The following SFSWAP variants were observed in gnomAD, a reference collection of about 807,000 sequenced individuals.
SFSWAP encodes splicing factor SWAP.
A neutral mutation model predicts 100.7 loss-of-function variants in SFSWAP; 17 were observed. That is an observed-to-expected ratio of 0.17 (90% CI 0.12 to 0.25). The LOEUF (loss-of-function observed/expected upper bound fraction) is 0.25, where lower values mean the gene tolerates loss of function less well. Ranked by LOEUF, SFSWAP falls within the 10% of genes least tolerant of loss-of-function variation. The pLI is 1.00. For missense variants in SFSWAP, 1,005 were observed against 1,262.6 expected (o/e 0.80, Z 3.09); for synonymous variants, 504 against 510.1 (o/e 0.99, Z 0.16).
In SFSWAP at chr12:131,711,133, G is replaced by C; in HGVS notation, c.-97G>C. ...GCGGCGGTGTTGAGGTTGGGTACGG[G>C]ATGCGGGGTCTTTGACTGAAGGGGT... On this transcript the variant is annotated 5_prime_UTR_variant, in exon 1 of 18. Transcript: ENST00000261674. This position sits in a 1 kb window ranked among gnomAD's most constrained non-coding sequence, Gnocchi z 4.9. The C allele has an allele frequency of 9.9e-7, 1 of 1,006,778 alleles. No individual in the cohort carries two copies. Among genetic ancestry groups the C allele is most frequent in the Non-Finnish European group, 1.4e-6 (1 of 705,382 alleles). 62.4% of individuals were successfully genotyped at this position (1,006,778 alleles called of 1,614,324 possible).
chr12:131,762,212 G>A (rs934199100), intron 11 of SFSWAP, among the ~76,000 whole-genome samples: 4 of 151,586 alleles, frequency 2.6e-5, no homozygotes, highest in Middle Eastern at 3.4e-3. Flanking sequence ...CAGCCTGGGC[G>A]ACAGAGCGAG....
chr12:131,753,615 C>A, intron 8 of SFSWAP: 1 of 530,814 alleles, frequency 1.9e-6, no homozygotes, highest in Non-Finnish European at 3.3e-6. Context: ...ACGCTGGCCC[C>A]AGATCTCCAG....
Position 131,714,208 on chromosome 12 carries a change from A to G in SFSWAP, c.356A>G (p.His119Arg). 4 of 1,613,868 alleles carry G rather than the reference A, an allele frequency of 2.5e-6. No individual in the cohort carries two copies. Among genetic ancestry groups the G allele is most frequent in the Non-Finnish European group, 3.4e-6 (4 of 1,179,792 alleles). Residue 119 changes from histidine to arginine, a missense_variant, in exon 2 of 18, where the codon CAT becomes CGT. Coordinates refer to ENST00000261674, the MANE Select transcript of SFSWAP (RefSeq NM_004592.4). This position sits in a 1 kb window ranked among gnomAD's most constrained non-coding sequence, Gnocchi z 6.0. ...GATGAAGAGAGGTATTTAGCCTTGC[A>G]TACGGACTTGCTTGAGGAGGAGGCA... ...LCDEERYLALHTDLLEEEARQ... is the reference protein window; with the variant it reads ...LCDEERYLALRTDLLEEEARQ...
At chr12:131,728,142 C>A in intron 6 of SFSWAP, 151 bp from the exon 7 acceptor site, 1 of 806,234 alleles carries the variant, frequency 1.2e-6, no homozygotes, top group Non-Finnish European at 2.0e-6. Flanking sequence ...GGGCATTTGG[C>A]CACAACTCGT....
chr12:131,737,124 C>A (rs1201345874), intron 7 of SFSWAP, among the ~76,000 whole-genome samples: 2 of 152,176 alleles, frequency 1.3e-5, no homozygotes, highest in South Asian at 2.1e-4. Context: ...TGTGCTCTCG[C>A]GGTGGGCTGC....
intron 15 of SFSWAP, among the ~76,000 whole-genome samples, chr12:131,789,935 C>G (rs1006673883): frequency 6.6e-6 from 1 of 152,210 alleles, no homozygotes; most frequent in Admixed American, 6.5e-5. Context: ...GTCTCCCCAC[C>G]AGCGAGGAAT....
rs181979607 is a variant in SFSWAP, at chr12:131,742,976, G to A, written c.1082-10147G>A. On this transcript the variant is annotated intron_variant, in intron 7 of 17. Coordinates refer to ENST00000261674, the MANE Select transcript of SFSWAP (RefSeq NM_004592.4). ...TGGCAGCTGGCAAAGAGTTTGTGCA[G>A]AGAGACTCCTGTTTTTGAGACTATC... Among the ~76,000 whole-genome samples, 4 of 152,306 alleles carry A rather than the reference G, an allele frequency of 2.6e-5. No individual in the cohort carries two copies. In the East Asian group the frequency reaches 5.8e-4, roughly 22 times the overall value.
intron 7 of SFSWAP, among the ~76,000 whole-genome samples, chr12:131,742,888 T>G (rs1259710163): frequency 6.6e-6 from 1 of 152,146 alleles, no homozygotes; most frequent in African/African-American, 2.4e-5. Context: ...CAGTTCCACA[T>G]GGCTGGGGAG....
chr12:131,776,344 G>A (rs1884024455), intron 13 of SFSWAP, among the ~76,000 whole-genome samples: 2 of 152,162 alleles, frequency 1.3e-5, no homozygotes. Context: ...CACAACCAGG[G>A]AGGGGCATTA....
chr12:131,739,128 T>G (rs149765438), intron 7 of SFSWAP, among the ~76,000 whole-genome samples: 22,141 of 151,984 alleles, frequency 0.15, 2,205 homozygotes, highest in East Asian at 0.52. Context: ...TCCACCCACC[T>G]TGGCCTCCCA....
chr12:131,745,048 A>T (rs1248916853), intron 7 of SFSWAP, among the ~76,000 whole-genome samples: 1 of 152,208 alleles, frequency 6.6e-6, no homozygotes, highest in Non-Finnish European at 1.5e-5. Context: ...ACTAATCAAG[A>T]TGAGATGTGG....
chr12:131,715,750 TTA>T (rs1275698024), intron 3 of SFSWAP, among the ~76,000 whole-genome samples: 1 of 112,450 alleles, frequency 8.9e-6, no homozygotes, highest in Non-Finnish European at 1.9e-5. Flanking sequence ...ATTCAAATGT[TTA>T]CATTACATCA....
intron 13 of SFSWAP, among the ~76,000 whole-genome samples, chr12:131,777,574 T>C (rs1884128953): frequency 6.6e-6 from 1 of 152,214 alleles, no homozygotes; most frequent in Admixed American, 6.5e-5. Context: ...TCGAAATCTT[T>C]GCTATTGTGA....
At chr12:131,752,319 C>T (rs951027822) in intron 7 of SFSWAP, among the ~76,000 whole-genome samples, 1 of 152,202 alleles carries the variant, frequency 6.6e-6, no homozygotes, top group Non-Finnish European at 1.5e-5. Flanking sequence ...TACAACAGGA[C>T]TGGAAATTAA....
chr12:131,754,625 G>GTA, intron 9 of SFSWAP, 126 bp downstream of exon 9: 24 of 133,092 alleles, frequency 1.8e-4, no homozygotes, highest in Non-Finnish European at 2.4e-4. Context: ...TGGCTCAAAT[G>GTA]TCTTTTTTTT....
At chr12:131,737,590 C>T (rs1392640724) in intron 7 of SFSWAP, among the ~76,000 whole-genome samples, 1 of 152,080 alleles carries the variant, frequency 6.6e-6, no homozygotes, top group African/African-American at 2.4e-5. Flanking sequence ...TAACATCTTT[C>T]CCCCGTAGAG....
rs2136169530 is a variant in SFSWAP, at chr12:131,711,583, C to T, written c.218+136C>T. Reference sequence around the variant, plus strand: ...TCTGGGGGACACCCCCTCCCCTGTCCCCACCTCCTCCTGGTGTTCTGGTGG... The same window carrying T: ...TCTGGGGGACACCCCCTCCCCTGTCTCCACCTCCTCCTGGTGTTCTGGTGG... On this transcript the variant is annotated intron_variant, in intron 1 of 17. Coordinates refer to ENST00000261674, the MANE Select transcript of SFSWAP (RefSeq NM_004592.4). This position sits in a 1 kb window ranked among gnomAD's most constrained non-coding sequence, Gnocchi z 4.9. 4.3e-6 allele frequency: 3 copies of T among 694,530 alleles called. No individual in the cohort carries two copies. The South Asian group carries it at 5.4e-5, about 12-fold the overall frequency. 43.0% of individuals were successfully genotyped at this position (694,530 alleles called of 1,614,324 possible).
chr12:131,742,535 A>C (rs1471988064), intron 7 of SFSWAP, among the ~76,000 whole-genome samples: 1 of 152,094 alleles, frequency 6.6e-6, no homozygotes, highest in Non-Finnish European at 1.5e-5. Context: ...GTAGTTTCCC[A>C]GTTTGACAAA....
At chr12:131,787,769 G>A (rs1351591121) in intron 15 of SFSWAP, among the ~76,000 whole-genome samples, 1 of 152,190 alleles carries the variant, frequency 6.6e-6, no homozygotes, top group Non-Finnish European at 1.5e-5. Context: ...ACACTAGGCA[G>A]AGAGCCACAG....
Sources: gnomAD v4.1 joint callset for allele counts (sites outside exome capture counted in the v4.1 genomes callset) on GRCh38, gnomAD v4.1.1 for gene constraint, Gnocchi (gnomAD v3.1) non-coding constraint, MANE v1.5 for transcripts, NCBI Gene and HGNC (gene_info 2026-07-23, HGNC 2026-07-21) for gene names.